DNAJB12: variants seen among roughly 807,000 people sequenced by gnomAD.
The protein encoded by DNAJB12 is DnaJ heat shock protein family (Hsp40) member B12.
Under a neutral mutation model 40.6 loss-of-function variants are expected in DNAJB12, and 14 were observed. That is an observed-to-expected ratio of 0.34 (90% confidence interval 0.23 to 0.54). The LOEUF (loss-of-function observed/expected upper bound fraction) is 0.54. Among genes scored for constraint, DNAJB12 ranks in the 20% least tolerant of loss-of-function variants. The probability of loss-of-function intolerance (pLI) is 0.92; values close to 1 mark genes in which losing one functional copy is unlikely to be tolerated. For missense variants in DNAJB12, 444 were observed against 501.7 expected, an observed-to-expected ratio of 0.89 and a Z score of 1.10; for synonymous variants, 181 against 199.5, an observed-to-expected ratio of 0.91 and a Z score of 0.78.
rs375213731 is a variant in DNAJB12, at chr10:72,337,778, G to A, written c.833+424C>T. Among the ~76,000 whole-genome samples, 32 of 152,284 alleles carry A rather than the reference G, an allele frequency of 2.1e-4. 2 individuals carry two copies. The East Asian group carries it at 5.4e-3, about 26-fold the overall frequency. On this transcript the variant is annotated intron_variant, in intron 6 of 8. Coordinates refer to ENST00000444643, the MANE Select transcript of DNAJB12 (RefSeq NM_017626.7). ...CTCAGGAAGCCCAACCAGAGCCGAG[G>A]AGCAGAGGTTCTTCGTCAGGGTTGG...
At chr10:72,337,496 T>C (rs1199955484) in intron 6 of DNAJB12, among the ~76,000 whole-genome samples, 4 of 152,200 alleles carry the variant, frequency 2.6e-5, no homozygotes, top group African/African-American at 9.7e-5. Flanking sequence ...GCTCATGAAA[T>C]GTCCTCAAGT....
rs778742260 is a variant in DNAJB12, at chr10:72,341,070, C to A, written c.558G>T (p.Gly186=). ...DKSQAARHGH[G]HGDFHRGFEA... is the part of the protein sequence containing the mutation. The stretch of plus-strand genomic sequence containing the variant: ...CAAAGCCACGGTGGAAATCCCCATG[C>A]CCATGGCCGTGCCGGGCCGCCTGGC... The change falls in exon 4 of 9, where the codon GGG becomes GGT. Residue 186 remains glycine, a synonymous_variant. Transcript: ENST00000444643. 6.2e-7 allele frequency: 1 copy of A among 1,614,180 alleles called. No homozygotes were observed. The highest frequency in any genetic ancestry group is 8.5e-7 in the Non-Finnish European group (1 of 1,180,036).
chr10:72,345,114 G>T lies in DNAJB12; in HGVS notation c.147C>A (p.Ser49=), dbSNP rs758898118. 8 of 1,612,034 alleles carry T rather than the reference G, an allele frequency of 5.0e-6. No homozygotes were observed. In the East Asian group the frequency reaches 1.8e-4, roughly 36 times the overall value. The change falls in exon 2 of 9, where the codon TCC becomes TCA. Residue 49 remains serine, a synonymous_variant. Transcript: ENST00000444643. ...CGGCAGTCTGTGGTTTCTGGTTGAGGGACTCAATCAGGGCTGTGCAAGGCA... is the reference window on the plus strand; with the variant it reads ...CGGCAGTCTGTGGTTTCTGGTTGAGTGACTCAATCAGGGCTGTGCAAGGCA... ...PTPRVRALIE[S]LNQKPQTAGD...
At chr10:72,334,880 C>T in intron 8 of DNAJB12, 1 of 1,289,484 alleles carries the variant, frequency 7.8e-7, no homozygotes, top group Non-Finnish European at 9.8e-7. Flanking sequence ...CAGAGAAGAA[C>T]CTTCACTGCT....
chr10:72,343,111 C>G (rs1406289181), intron 3 of DNAJB12, among the ~76,000 whole-genome samples: 1 of 152,264 alleles, frequency 6.6e-6, no homozygotes. Flanking sequence ...TGCCTCAGCT[C>G]TACTACGTAA....
Position 72,340,792 on chromosome 10 carries a change from A to G in DNAJB12, c.720T>C (p.Gly240=). Residue 240 remains glycine (G), a synonymous_variant, in exon 5 of 9, where the codon GGT becomes GGC. Transcript: ENST00000444643. The stretch of plus-strand genomic sequence containing the variant: ...CCCTGGCGCCCTCCTCACTCACATC[A>G]CCCTGGTTGTCCCTGCGGTCCTGCC... ...QQRQDRRDNQ[G]DGGLGVFVQL... 1 of 1,613,760 alleles carries G rather than the reference A, an allele frequency of 6.2e-7. No homozygotes were observed. Among genetic ancestry groups the G allele is most frequent in the Non-Finnish European group, 8.5e-7 (1 of 1,179,934 alleles).
In DNAJB12 at chr10:72,354,898, GGCGGAACCAGAAC is replaced by G. The variant is rs780506139; in HGVS notation, c.-14_-2del. 1.4e-5 allele frequency: 23 copies of G among 1,613,984 alleles called. No homozygotes were observed. In the South Asian group the frequency reaches 2.3e-4, roughly 16 times the overall value. On this transcript the variant is annotated 5_prime_UTR_variant, in exon 1 of 9. Transcript: ENST00000444643. ...CAGCTTCATCCTTGTTGGATTCCAT[GGCGGAACCAGAAC>G]GCGGAACCAGGGAGGGGGAGGCCGG...
intron 1 of DNAJB12, 27 bp downstream of exon 1, chr10:72,354,738 C>T (rs1233495543): frequency 1.3e-6 from 2 of 1,589,640 alleles, no homozygotes; most frequent in African/African-American, 1.3e-5. Context: ...TCTAATGTCC[C>T]CAGTCTCTCC....
Position 72,335,913 on chromosome 10 carries a change from C to T in DNAJB12, c.1025G>A (p.Arg342Gln), listed in dbSNP as rs760978253. Residue 342 changes from arginine to glutamine, a missense_variant, in exon 8 of 9, where the codon CGG becomes CAG. Arg to Gln is a conservative substitution (Grantham distance 43). Transcript: ENST00000444643. The surrounding 1 kb of genome is among the most constrained non-coding windows in gnomAD (Gnocchi z 4.4). ...ATCTGTGTCGCCAAAGTAGCGTGCC[C>T]GGTACAGCAAGCCTTCCTCTGCAAA... ...EKQQKEGLLY[R>Q]ARYFGDTDMY... 4.3e-6 allele frequency: 7 copies of T among 1,614,010 alleles called. No individual in the cohort carries two copies. Among genetic ancestry groups the T allele is most frequent in the Non-Finnish European group, 5.1e-6 (6 of 1,179,998 alleles).
At position 72,354,902 on chromosome 10, in the gene DNAJB12, G is replaced by A; in HGVS notation, c.-5C>T. ...TTCATCCTTGTTGGATTCCATGGCGGAACCAGAACGCGGAACCAGGGAGGG... is the reference window on the plus strand; with the variant it reads ...TTCATCCTTGTTGGATTCCATGGCGAAACCAGAACGCGGAACCAGGGAGGG... On this transcript the variant is annotated 5_prime_UTR_variant, in exon 1 of 9. Coordinates refer to ENST00000444643, the MANE Select transcript of DNAJB12 (RefSeq NM_017626.7). The A allele has an allele frequency of 1.9e-6, 3 of 1,613,906 alleles. No individual in the cohort carries two copies. The highest frequency in any genetic ancestry group is 2.5e-6 in the Non-Finnish European group (3 of 1,179,882).
chr10:72,340,413 A>G (rs1317803013), intron 5 of DNAJB12, among the ~76,000 whole-genome samples: 2 of 152,260 alleles, frequency 1.3e-5, no homozygotes. Context: ...AAAATGAAAA[A>G]TAAAATAAAA....
In DNAJB12 at chr10:72,334,124, A is replaced by G. The variant is rs1861397072; in HGVS notation, c.*524T>C. 6.1e-6 allele frequency: 1 copy of G among 164,508 alleles called. No homozygotes were observed. The allele number at this position is 164,508 out of a possible 1,614,324, so 10.2% of individuals were successfully genotyped here. A position where few individuals can be genotyped will look rare whatever the true frequency, so the allele number is the denominator to read the frequency against. On this transcript the variant is annotated 3_prime_UTR_variant, in exon 9 of 9. Transcript: ENST00000444643. ...AGTTTAAAAAGTAGACTATATATATATATATCTTCATATATGCCTATTTAC... is the reference window on the plus strand; with the variant it reads ...AGTTTAAAAAGTAGACTATATATATGTATATCTTCATATATGCCTATTTAC...
chr10:72,338,301 C>T lies in DNAJB12; in HGVS notation c.734G>A (p.Gly245Glu). The T allele has an allele frequency of 6.2e-7, 1 of 1,613,932 alleles. No individual in the cohort carries two copies. Among genetic ancestry groups the T allele is most frequent in the African/African-American group, 1.3e-5 (1 of 75,024 alleles). ...RRDNQGDGGL[G>E]VFVQLMPILI... ...GATAGGCATCAGCTGCACAAACACC[C>T]CTAGCCCGCCCTGGAGGGAAGAGCC... Residue 245 changes from glycine (G) to glutamate (E), a missense_variant, in exon 6 of 9, where the codon GGG becomes GAG. Gly to Glu is a moderately conservative substitution (Grantham distance 98, BLOSUM62 -2). Transcript: ENST00000444643.
At chr10:72,343,584 G>A (rs1861703244) in intron 2 of DNAJB12, 73 bp from the exon 3 acceptor site, 2 of 1,544,494 alleles carry the variant, frequency 1.3e-6, no homozygotes, top group Non-Finnish European at 1.8e-6. Flanking sequence ...AACAGGCCGT[G>A]TGGGGCGCAC....
chr10:72,346,012 T>C (rs575744817), intron 1 of DNAJB12, among the ~76,000 whole-genome samples: 70 of 152,254 alleles, frequency 4.6e-4, no homozygotes, highest in Non-Finnish European at 8.5e-4. Context: ...GATAAATCTG[T>C]AGTAATTGCT....
rs1801543192 is a variant in DNAJB12 at position 72,336,688 on chromosome 10, C to G, written c.842G>C (p.Gly281Ala). ...PYSLSPRPSV[G>A]HIHRRVTDHL... Reference sequence around the variant, plus strand: ...GTCAGTGACTCGCCTGTGGATGTGGCCCACGGACCTGGCCAGAAATACCAG... The same window carrying G: ...GTCAGTGACTCGCCTGTGGATGTGGGCCACGGACCTGGCCAGAAATACCAG... The change falls in exon 7 of 9, where the codon GGC becomes GCC. Residue 281 changes from glycine (G) to alanine (A), a missense_variant. Gly to Ala is a moderately conservative substitution (Grantham distance 60). Transcript: ENST00000444643. 6.2e-7 allele frequency: 1 copy of G among 1,613,636 alleles called. No homozygotes were observed. The highest frequency in any genetic ancestry group is 1.3e-5 in the African/African-American group (1 of 74,924).
rs138477026 is a variant in DNAJB12 at position 72,338,279 on chromosome 10, A to G, written c.756T>C (p.Pro252=). The change falls in exon 6 of 9, where the codon CCT becomes CCC. Residue 252 remains proline (P), a synonymous_variant. Transcript: ENST00000444643. ...CTGACACGAGAATCAGGATGAGGAT[A>G]GGCATCAGCTGCACAAACACCCCTA... ...GGLGVFVQLM[P]ILILILVSAL... The G allele has an allele frequency of 9.3e-4, 1,496 of 1,614,094 alleles. 9 individuals carry two copies. In the Middle Eastern group the frequency reaches 0.014, roughly 15 times the overall value.
At chr10:72,336,855 CTGAGGAAAA>C in intron 6 of DNAJB12, 159 bp from the exon 7 acceptor site, 1 of 584,250 alleles carries the variant, frequency 1.7e-6, no homozygotes, top group Non-Finnish European at 2.9e-6. Flanking sequence ...AAAGGAGAGT[CTGAGGAAAA>C]GGCAGCGTCC....
chr10:72,345,820 G>T (rs537460116), intron 1 of DNAJB12, among the ~76,000 whole-genome samples: 14 of 148,328 alleles, frequency 9.4e-5, no homozygotes, highest in Non-Finnish European at 1.6e-4. Context: ...AGAATTGCTT[G>T]AACCCAGGAG....
Sources: allele counts gnomAD v4.1 joint callset (sites outside exome capture counted in the v4.1 genomes callset), GRCh38; gene constraint gnomAD v4.1.1; non-coding constraint Gnocchi (gnomAD v3.1); transcripts MANE v1.5; gene names NCBI Gene and HGNC (gene_info 2026-07-23, HGNC 2026-07-21).